JAKMIP3: variants seen among roughly 807,000 people sequenced by gnomAD.
The protein encoded by JAKMIP3 is Janus kinase and microtubule interacting protein 3, also known as janus kinase and microtubule-interacting protein 3.
In JAKMIP3, 58 loss-of-function variants were observed where a neutral mutation model predicts 118.5. That is an observed-to-expected ratio of 0.49 (90% CI 0.40 to 0.61). JAKMIP3 has a LOEUF of 0.61. Among genes scored for constraint, JAKMIP3 ranks in the 20% least tolerant of loss-of-function variants. The probability of loss-of-function intolerance (pLI) is 0.00; values close to 1 mark genes in which losing one functional copy is unlikely to be tolerated. For synonymous variants in JAKMIP3, 486 were observed against 451.2 expected, an observed-to-expected ratio of 1.08 and a Z score of -0.98; for missense variants, 950 against 1,109.0, an observed-to-expected ratio of 0.86 and a Z score of 2.04.
At chr10:132,101,546 G>C (rs958490895) in intron 1 of JAKMIP3, among the ~76,000 whole-genome samples, 1 of 152,182 alleles carries the variant, frequency 6.6e-6, no homozygotes, top group Non-Finnish European at 1.5e-5. Flanking sequence ...AACGACAACT[G>C]TCTCGGCAGC....
intron 1 of JAKMIP3, among the ~76,000 whole-genome samples, chr10:132,066,506 C>T (rs1007129370): frequency 6.6e-6 from 1 of 152,200 alleles, no homozygotes. Context: ...CGTCCGGGTG[C>T]TTCCTGGCTC....
intron 19 of JAKMIP3, among the ~76,000 whole-genome samples, chr10:132,158,942 G>T (rs181636746): frequency 1.5e-5 from 2 of 130,076 alleles, no homozygotes; most frequent in Admixed American, 7.6e-5. Flanking sequence ...GTGATGCTGG[G>T]GGGGGGGACC....
chr10:132,077,331 G>A (rs7096544), intron 1 of JAKMIP3, among the ~76,000 whole-genome samples: 43,782 of 151,966 alleles, frequency 0.29, 6,540 homozygotes, highest in South Asian at 0.36. Context: ...GCCACTTCCC[G>A]TCTTCTGCTC....
intron 2 of JAKMIP3, among the ~76,000 whole-genome samples, chr10:132,115,457 C>T (rs1041444255): frequency 3.3e-5 from 5 of 152,318 alleles, no homozygotes; most frequent in Admixed American, 6.5e-5. Context: ...CCCTTCTAGG[C>T]GCCACAGCCC....
At chr10:132,152,870 C>T (rs2056458447) in intron 16 of JAKMIP3, 88 bp from the exon 17 acceptor site, 2 of 1,072,044 alleles carry the variant, frequency 1.9e-6, no homozygotes, top group African/African-American at 1.6e-5. Context: ...GTCAGCCTCC[C>T]CAGTCAGCTT....
intron 1 of JAKMIP3, among the ~76,000 whole-genome samples, chr10:132,068,878 G>C (rs2039363475): frequency 6.6e-6 from 1 of 152,162 alleles, no homozygotes. Context: ...CCTTGGCACA[G>C]AGAATTGGTC....
At chr10:132,095,652 G>A (rs890736553) in intron 1 of JAKMIP3, among the ~76,000 whole-genome samples, 3 of 152,060 alleles carry the variant, frequency 2.0e-5, no homozygotes, top group African/African-American at 7.2e-5. Context: ...CAGTCGTTCT[G>A]GATGCAGAAG....
chr10:132,084,960 G>T (rs185849774), intron 1 of JAKMIP3, among the ~76,000 whole-genome samples: 1 of 152,254 alleles, frequency 6.6e-6, no homozygotes, highest in African/African-American at 2.4e-5. Flanking sequence ...TCGATATGTT[G>T]TTGGATTCGG....
Position 132,136,005 on chromosome 10 carries a change from G to C in JAKMIP3, c.1045G>C (p.Glu349Gln), listed in dbSNP as rs199529006. ...AAACAAGCGCCTCAGTCGGAAGAAC[G>C]AGGATTTGTCTCATGCTTTACGCCG... ...DKNKRLSRKNEDLSHALRRME... is the reference protein window; with the variant it reads ...DKNKRLSRKNQDLSHALRRME... Residue 349 changes from glutamate to glutamine, a missense_variant, in exon 6 of 24, where the codon GAG (glutamate) becomes CAG (glutamine). Transcript: ENST00000684848. 1 of 1,613,604 alleles carries C rather than the reference G, an allele frequency of 6.2e-7. No homozygotes were observed. Among genetic ancestry groups the C allele is most frequent in the Non-Finnish European group, 8.5e-7 (1 of 1,179,836 alleles).
chr10:132,098,316 G>A lies in JAKMIP3; in HGVS notation c.-137-6356G>A, dbSNP rs557558835. Among the ~76,000 whole-genome samples the A allele has an allele frequency of 2.4e-4, 36 of 152,242 alleles. No individual in the cohort carries two copies. The South Asian group carries it at 7.5e-3, about 32-fold the overall frequency. On this transcript the variant is annotated intron_variant, in intron 1 of 23. Coordinates refer to ENST00000684848, the MANE Select transcript of JAKMIP3 (RefSeq NM_001323087.2). Reference sequence around the variant, plus strand: ...TGGGATTACAGGCCTCAGCCACTGTGCCCAGCCAAGATCGCCTTTCAGTAC... The same window carrying A: ...TGGGATTACAGGCCTCAGCCACTGTACCCAGCCAAGATCGCCTTTCAGTAC...
intron 1 of JAKMIP3, among the ~76,000 whole-genome samples, chr10:132,097,164 G>A (rs1027108019): frequency 2.6e-5 from 4 of 152,372 alleles, no homozygotes; most frequent in Non-Finnish European, 4.4e-5. Context: ...CCTCATACAC[G>A]GCTGGTGGGA....
At chr10:132,171,496 C>T (rs1010612795) in intron 23 of JAKMIP3, among the ~76,000 whole-genome samples, 1 of 152,200 alleles carries the variant, frequency 6.6e-6, no homozygotes, top group Non-Finnish European at 1.5e-5. Flanking sequence ...CGTTACTGTG[C>T]TGTCCCAGTG....
At chr10:132,180,728 T>TGCGCGCGCGCGC in intron 23 of JAKMIP3, among the ~76,000 whole-genome samples, 1 of 19,846 alleles carries the variant, frequency 5.0e-5, no homozygotes, top group South Asian at 2.1e-3. Flanking sequence ...TGCGTGTGTG[T>TGCGCGCGCGCGC]GCGTGTGTGC....
At chr10:132,087,741 G>A (rs2042577368) in intron 1 of JAKMIP3, among the ~76,000 whole-genome samples, 1 of 151,234 alleles carries the variant, frequency 6.6e-6, no homozygotes, top group African/African-American at 2.4e-5. Context: ...AAGTTCTAGG[G>A]TTCATGTGCA....
intron 23 of JAKMIP3, among the ~76,000 whole-genome samples, chr10:132,172,990 T>C (rs199978041): frequency 1.1e-3 from 35 of 32,600 alleles, no homozygotes; most frequent in South Asian, 2.4e-3. Context: ...CCTCTCTCTC[T>C]CTCTCCTTCC....
At chr10:132,104,124 C>T (rs573170976) in intron 1 of JAKMIP3, among the ~76,000 whole-genome samples, 34 of 149,638 alleles carry the variant, frequency 2.3e-4, no homozygotes, top group African/African-American at 8.6e-4. Flanking sequence ...AGCCACTCAT[C>T]CATCGATGGA....
upstream of JAKMIP3, among the ~76,000 whole-genome samples, chr10:132,063,868 A>C (rs947768260): frequency 2.0e-5 from 3 of 152,258 alleles, no homozygotes. Flanking sequence ...TGGCCACTTT[A>C]GAGCTTGGTA....
In JAKMIP3 at chr10:132,137,907, C is replaced by T. The variant is rs141920597; in HGVS notation, c.1285-212C>T. On this transcript the variant is annotated intron_variant, in intron 8 of 23. Coordinates refer to ENST00000684848, the MANE Select transcript of JAKMIP3 (RefSeq NM_001323087.2). ...TTGAGCAAGACAAGCTCAGAGCCCA[C>T]CTAATTGGGGAGCCGTCCGTGTCAC... Among the ~76,000 whole-genome samples the T allele has an allele frequency of 6.7e-4, 102 of 152,292 alleles. 1 individual carries two copies. The highest frequency in any genetic ancestry group is 2.4e-3 in the African/African-American group (100 of 41,558).
intron 20 of JAKMIP3, 109 bp downstream of exon 20, chr10:132,163,521 C>A: frequency 1.0e-6 from 1 of 990,404 alleles, no homozygotes. Context: ...CCTCTGTGGC[C>A]CCACCCTCCA....
Sources: gnomAD v4.1 joint callset for allele counts (sites outside exome capture counted in the v4.1 genomes callset) on GRCh38, gnomAD v4.1.1 for gene constraint, MANE v1.5 for transcripts, NCBI Gene and HGNC (gene_info 2026-07-23, HGNC 2026-07-21) for gene names.